ADGRV1: variants seen among roughly 807,000 people sequenced by gnomAD.
ADGRV1 encodes G-protein coupled receptor 98.
In ADGRV1, 359 loss-of-function variants were observed where a neutral mutation model predicts 596.2. The observed-to-expected ratio is 0.60, with a 90% CI of 0.55 to 0.66. ADGRV1 has a LOEUF of 0.66. ADGRV1 is among the 30% of genes least tolerant of loss of function. The pLI, the probability that ADGRV1 is intolerant of heterozygous loss-of-function variation, is 0.00. For missense variants in ADGRV1, 7,274 were observed against 7,575.6 expected (o/e 0.96, Z 1.48); for synonymous variants, 2,681 against 2,679.2 (o/e 1.00, Z -0.02).
Position 90,675,456 on chromosome 5 carries a change from C to G in ADGRV1, c.5313+11C>G. 1 of 1,607,698 alleles carries G rather than the reference C, an allele frequency of 6.2e-7. No homozygotes were observed. The highest frequency in any genetic ancestry group is 8.5e-7 in the Non-Finnish European group (1 of 1,176,046). ...CCTGAGGATTACCAGGTAATTTACT[C>G]AGTCCTTTTGAAGTTGTATTTGCAC... On this transcript the variant is annotated intron_variant, in intron 24 of 89. Transcript: ENST00000405460.
intron 39 of ADGRV1, 35 bp downstream of exon 39, chr5:90,708,944 A>C (rs762301568): frequency 2.9e-6 from 4 of 1,387,872 alleles, no homozygotes; most frequent in Non-Finnish European, 4.1e-6. Flanking sequence ...CTTTTTGCTC[A>C]CTTCAAATGA....
intron 35 of ADGRV1, 81 bp downstream of exon 35, chr5:90,703,876 C>A: frequency 1.0e-6 from 1 of 974,336 alleles, no homozygotes; most frequent in Non-Finnish European, 1.5e-6. Context: ...AAAAGCAGCA[C>A]TATTGTAGTT....
chr5:90,711,134 G>A, intron 40 of ADGRV1, 50 bp from the exon 41 acceptor site: 1 of 1,582,142 alleles, frequency 6.3e-7, no homozygotes, highest in Non-Finnish European at 8.6e-7. Flanking sequence ...AAGTTTCTAA[G>A]GGAAAAATTA....
intron 30 of ADGRV1, 29 bp downstream of exon 30, chr5:90,690,105 G>A (rs997517667): frequency 4.8e-6 from 6 of 1,237,248 alleles, no homozygotes; most frequent in Non-Finnish European, 7.0e-6. Context: ...GTCTCTCTTT[G>A]ACTTGTCTGC....
chr5:90,928,872 T>G lies in ADGRV1; in HGVS notation c.17857-36543T>G, dbSNP rs879709301. ...AACAGACAGGACCCTCAGCTGCAGG[T>G]CTGTTGGAATAGCCTGCCGTGTGAG... On this transcript the variant is annotated intron_variant, in intron 83 of 89. Coordinates refer to ENST00000405460, the MANE Select transcript of ADGRV1 (RefSeq NM_032119.4). Among the ~76,000 whole-genome samples the G allele has an allele frequency of 7.2e-3, 1,053 of 146,668 alleles. 5 individuals are homozygous for G. Among genetic ancestry groups the G allele is most frequent in the Non-Finnish European group, 9.6e-3 (633 of 65,956 alleles).
chr5:90,759,391 C>T lies in ADGRV1; in HGVS notation c.11941-18C>T, dbSNP rs1313373322. 2 of 1,513,794 alleles carry T rather than the reference C, an allele frequency of 1.3e-6. No individual in the cohort carries two copies. The highest frequency in any genetic ancestry group is 1.8e-6 in the Non-Finnish European group (2 of 1,112,980). 93.8% of individuals were successfully genotyped at this position (1,513,794 alleles called of 1,614,324 possible). A position where few individuals can be genotyped will look rare whatever the true frequency, so the allele number is the denominator to read the frequency against. ...CTTTTCCTCCCTCTCTTTCTCCCTTCCTTCCTTTCTTTCATAGGTTACTGC... is the reference window on the plus strand; with the variant it reads ...CTTTTCCTCCCTCTCTTTCTCCCTTTCTTCCTTTCTTTCATAGGTTACTGC... On this transcript the variant is annotated intron_variant, in intron 57 of 89. Coordinates refer to ENST00000405460, the MANE Select transcript of ADGRV1 (RefSeq NM_032119.4).
intron 34 of ADGRV1, among the ~76,000 whole-genome samples, chr5:90,700,408 A>G (rs536395012): frequency 8.2e-4 from 125 of 152,292 alleles, no homozygotes; most frequent in African/African-American, 2.9e-3. Flanking sequence ...AATTCTGTAG[A>G]ATCCTATTTC....
chr5:90,707,989 C>T (rs1209638406), intron 38 of ADGRV1, among the ~76,000 whole-genome samples: 1 of 152,130 alleles, frequency 6.6e-6, no homozygotes, highest in Non-Finnish European at 1.5e-5. Context: ...CCATATATTA[C>T]ATAAGACAAT....
At chr5:91,020,276 C>T (rs1478787749) in intron 85 of ADGRV1, among the ~76,000 whole-genome samples, 1 of 151,970 alleles carries the variant, frequency 6.6e-6, no homozygotes, top group East Asian at 1.9e-4. Context: ...TGTCCGGTTC[C>T]ATTTCTCAAC....
At chr5:90,622,773 C>A in intron 5 of ADGRV1, 72 bp downstream of exon 5, 1 of 693,694 alleles carries the variant, frequency 1.4e-6, no homozygotes, top group Non-Finnish European at 2.2e-6. Context: ...GACAGTCTTG[C>A]TCTGTTGCCC....
At chr5:90,803,115 A>G (rs1376120635) in intron 71 of ADGRV1, among the ~76,000 whole-genome samples, 1 of 152,028 alleles carries the variant, frequency 6.6e-6, no homozygotes, top group Non-Finnish European at 1.5e-5. Flanking sequence ...GATATTTTGT[A>G]TCTAATATTG....
At chr5:90,888,161 G>A (rs1441289187) in intron 83 of ADGRV1, among the ~76,000 whole-genome samples, 1 of 152,112 alleles carries the variant, frequency 6.6e-6, no homozygotes, top group Admixed American at 6.6e-5. Flanking sequence ...ATGTGTATGA[G>A]ATCTGTCATG....
intron 1 of ADGRV1, among the ~76,000 whole-genome samples, chr5:90,583,848 G>T (rs1218399674): frequency 2.1e-5 from 1 of 46,968 alleles, no homozygotes; most frequent in Non-Finnish European, 5.5e-5. Flanking sequence ...AGAGTAAAAT[G>T]TGCACGTTTC....
At chr5:91,030,945 T>C (rs1024547699) in intron 85 of ADGRV1, 5 of 949,110 alleles carry the variant, frequency 5.3e-6, no homozygotes, top group Admixed American at 2.6e-5. Flanking sequence ...CATATAGTAC[T>C]GGCAGTTTTG....
chr5:90,975,362 A>G (rs1779464786), intron 84 of ADGRV1, among the ~76,000 whole-genome samples: 1 of 152,210 alleles, frequency 6.6e-6, no homozygotes, highest in South Asian at 2.1e-4. Context: ...TATATACCCA[A>G]AGGATTATAA....
At position 90,810,512 on chromosome 5, in the gene ADGRV1, T is replaced by C. The variant is rs752668494; in HGVS notation, c.15252T>C (p.Ser5084=). 2 of 1,613,766 alleles carry C rather than the reference T, an allele frequency of 1.2e-6. No homozygotes were observed. Among genetic ancestry groups the C allele is most frequent in the Non-Finnish European group, 1.7e-6 (2 of 1,179,778 alleles). ...TAACCATTATTAATGATCAGCTTTCTGAGATAGAAGAATTTTTTTACATTA... is the reference window on the plus strand; with the variant it reads ...TAACCATTATTAATGATCAGCTTTCCGAGATAGAAGAATTTTTTTACATTA... ...FEITIINDQL[S]EIEEFFYINL... is the part of the protein sequence containing the mutation. The change falls in exon 74 of 90, where the codon TCT becomes TCC. Residue 5084 remains serine, a synonymous_variant. Coordinates refer to ENST00000405460, the MANE Select transcript of ADGRV1 (RefSeq NM_032119.4).
intron 76 of ADGRV1, among the ~76,000 whole-genome samples, chr5:90,826,646 G>A (rs1764101536): frequency 6.6e-6 from 1 of 152,108 alleles, no homozygotes; most frequent in South Asian, 2.1e-4. Context: ...GGATGGAGAT[G>A]GAGCCCGAGG....
intron 83 of ADGRV1, among the ~76,000 whole-genome samples, chr5:90,875,570 G>A (rs1769144046): frequency 6.6e-6 from 1 of 152,212 alleles, no homozygotes; most frequent in African/African-American, 2.4e-5. Context: ...CCAGGTGGTG[G>A]TGGGGTCAGG....
intron 67 of ADGRV1, among the ~76,000 whole-genome samples, chr5:90,786,570 G>A (rs1759476131): frequency 6.6e-6 from 1 of 152,118 alleles, no homozygotes; most frequent in Non-Finnish European, 1.5e-5. Flanking sequence ...ATGGCTAGGA[G>A]GCTGTTTATT....
Sources: allele counts gnomAD v4.1 joint callset (sites outside exome capture counted in the v4.1 genomes callset), GRCh38; gene constraint gnomAD v4.1.1; transcripts MANE v1.5; gene names NCBI Gene and HGNC (gene_info 2026-07-23, HGNC 2026-07-21).